The following GPC5 variants were observed in gnomAD, a reference collection of about 807,000 sequenced individuals.
GPC5 encodes glypican-5.
GPC5 carries 47 observed loss-of-function variants against 53.9 expected under a neutral mutation model. The observed-to-expected ratio is 0.87, with a 90% CI of 0.69 to 1.11. The LOEUF (loss-of-function observed/expected upper bound fraction) is 1.11. Ranked by LOEUF, GPC5 falls within the 50% of genes most tolerant of loss-of-function variation. GPC5 has a pLI of 0.00. For missense variants in GPC5, 748 were observed against 713.1 expected, an observed-to-expected ratio of 1.05 and a Z score of -0.56; for synonymous variants, 286 against 263.3, an observed-to-expected ratio of 1.09 and a Z score of -0.84.
chr13:92,700,455 T>G (rs1320912186), intron 7 of GPC5, among the ~76,000 whole-genome samples: 1 of 152,078 alleles, frequency 6.6e-6, no homozygotes, highest in Non-Finnish European at 1.5e-5. Context: ...AGGTTAATAG[T>G]GTTAGGTATG....
At chr13:91,554,370 GAC>G (rs1223982907) in intron 2 of GPC5, among the ~76,000 whole-genome samples, 1 of 151,680 alleles carries the variant, frequency 6.6e-6, no homozygotes, top group East Asian at 1.9e-4. Flanking sequence ...TATGTACACA[GAC>G]ACAGACTCAC....
intron 7 of GPC5, among the ~76,000 whole-genome samples, chr13:92,170,049 TATAAGA>T (rs1184731923): frequency 2.6e-5 from 4 of 152,070 alleles, no homozygotes; most frequent in Non-Finnish European, 4.4e-5. Context: ...GATTTCCACT[TATAAGA>T]ATATTTCTAG....
chr13:92,547,084 A>G (rs992100130), intron 7 of GPC5, among the ~76,000 whole-genome samples: 2 of 152,232 alleles, frequency 1.3e-5, no homozygotes, highest in African/African-American at 4.8e-5. Flanking sequence ...TTATTATTTC[A>G]AAAGATATCT....
chr13:91,437,417 T>A (rs551402440), intron 1 of GPC5, among the ~76,000 whole-genome samples: 29 of 152,320 alleles, frequency 1.9e-4, no homozygotes, highest in South Asian at 6.2e-4. Flanking sequence ...TGCTTGTCTG[T>A]AAAGTATTTT....
chr13:92,563,791 C>T (rs949023114), intron 7 of GPC5, among the ~76,000 whole-genome samples: 9 of 152,112 alleles, frequency 5.9e-5, no homozygotes, highest in African/African-American at 2.2e-4. Context: ...TTTTCTCTGA[C>T]ATCACCATTT....
At chr13:92,381,272 T>C (rs530620443) in intron 7 of GPC5, among the ~76,000 whole-genome samples, 2 of 152,284 alleles carry the variant, frequency 1.3e-5, no homozygotes, top group East Asian at 3.9e-4. Context: ...GCCTCTAGTT[T>C]TGCAAACTAC....
intron 7 of GPC5, among the ~76,000 whole-genome samples, chr13:92,473,563 A>T (rs893351983): frequency 5.3e-5 from 8 of 152,148 alleles, no homozygotes; most frequent in Non-Finnish European, 8.8e-5. Flanking sequence ...TCAAATAGGA[A>T]ATGGCTAATT....
chr13:92,274,998 T>C (rs2139160237), intron 7 of GPC5, among the ~76,000 whole-genome samples: 1 of 152,254 alleles, frequency 6.6e-6, no homozygotes, highest in South Asian at 2.1e-4. Context: ...ATGATTTATA[T>C]AGAGACTATC....
At chr13:92,218,652 T>G (rs1447386963) in intron 7 of GPC5, among the ~76,000 whole-genome samples, 1 of 152,164 alleles carries the variant, frequency 6.6e-6, no homozygotes, top group Non-Finnish European at 1.5e-5. Flanking sequence ...CTAGAAAAAT[T>G]TGGTGCTGTA....
intron 7 of GPC5, among the ~76,000 whole-genome samples, chr13:92,264,399 A>G (rs958110942): frequency 4.6e-5 from 7 of 152,140 alleles, no homozygotes; most frequent in Non-Finnish European, 4.4e-5. Context: ...ATTTAGCACC[A>G]TATTTTGCTT....
intron 7 of GPC5, among the ~76,000 whole-genome samples, chr13:92,742,994 A>G (rs891096476): frequency 4.6e-5 from 7 of 152,054 alleles, no homozygotes; most frequent in African/African-American, 9.7e-5. Flanking sequence ...GCCTTGTAGC[A>G]TAGTTTGAAG....
chr13:91,448,765 T>C lies in GPC5; in HGVS notation c.168T>C (p.Pro56=). ...RGLPDSPRAG[P]DLQVCISKKP... ...GAAAAATGTTGTGTGTTCCAGGACC[T>C]GATCTTCAGGTTTGCATATCCAAAA... Residue 56 remains proline (P), a synonymous_variant, in exon 2 of 8, where the codon CCT becomes CCC. Transcript: ENST00000377067. 1 of 1,612,052 alleles carries C rather than the reference T, an allele frequency of 6.2e-7. No individual in the cohort carries two copies. The highest frequency in any genetic ancestry group is 2.2e-5 in the East Asian group (1 of 44,866).
intron 1 of GPC5, among the ~76,000 whole-genome samples, chr13:91,419,528 A>G (rs1462800385): frequency 6.6e-6 from 1 of 152,210 alleles, no homozygotes; most frequent in East Asian, 1.9e-4. Context: ...AGAAAGGAAC[A>G]AGAAAATTTT....
chr13:91,974,978 C>T (rs1013150608), intron 6 of GPC5, among the ~76,000 whole-genome samples: 2 of 152,138 alleles, frequency 1.3e-5, no homozygotes, highest in African/African-American at 2.4e-5. Flanking sequence ...TATCTACAAC[C>T]ATCTGATCTC....
At chr13:92,474,150 T>G (rs1036769397) in intron 7 of GPC5, among the ~76,000 whole-genome samples, 53 of 74,058 alleles carry the variant, frequency 7.2e-4, no homozygotes, top group Non-Finnish European at 1.2e-3. Context: ...TTGATCTGTT[T>G]TTTTTTTTTT....
Position 91,774,242 on chromosome 13 carries a change from T to C in GPC5, c.1280+17822T>C, listed in dbSNP as rs376002101. On this transcript the variant is annotated intron_variant, in intron 5 of 7. Transcript: ENST00000377067. ...TCAAGACTCTGTCTCTTGCCCGTCA[T>C]GAAGCAGATGATTTTTAACTGCATA... 1.5e-3 allele frequency among the ~76,000 whole-genome samples: 231 copies of C among 152,314 alleles called. 1 individual carries two copies. The Middle Eastern group carries it at 0.037, about 25-fold the overall frequency.
At position 92,717,286 on chromosome 13, in the gene GPC5, C is replaced by G. The variant is rs1006499407; in HGVS notation, c.1562-148996C>G. On this transcript the variant is annotated intron_variant, in intron 7 of 7. Transcript: ENST00000377067. ...TCCAGCAAGAGGGAAAAAGGAGATC[C>G]TGGTTATGTGAATTGCCAGCTACAG... Among the ~76,000 whole-genome samples the G allele has an allele frequency of 1.3e-5, 2 of 151,996 alleles. 1 individual carries two copies. The highest frequency in any genetic ancestry group is 4.2e-4 in the South Asian group (2 of 4,802).
chr13:91,416,251 T>C (rs142077941), intron 1 of GPC5, among the ~76,000 whole-genome samples: 2 of 152,288 alleles, frequency 1.3e-5, no homozygotes, highest in East Asian at 3.9e-4. Flanking sequence ...CTCATTAAGT[T>C]GACCTCAAAA....
At chr13:92,116,444 T>A (rs2041602462) in intron 6 of GPC5, among the ~76,000 whole-genome samples, 1 of 152,174 alleles carries the variant, frequency 6.6e-6, no homozygotes, top group Non-Finnish European at 1.5e-5. Flanking sequence ...TGTTTAAGCC[T>A]CCCGGTTTGT....
Sources: gnomAD v4.1 joint callset for allele counts (sites outside exome capture counted in the v4.1 genomes callset) on GRCh38, gnomAD v4.1.1 for gene constraint, MANE v1.5 for transcripts, NCBI Gene and HGNC (gene_info 2026-07-23, HGNC 2026-07-21) for gene names.